ADAMTSL1: variants seen among roughly 807,000 people sequenced by gnomAD.
The protein encoded by ADAMTSL1 is ADAMTS like 1.
ADAMTSL1 carries 126 observed loss-of-function variants against 201.8 expected under a neutral mutation model. That is an observed-to-expected ratio of 0.62 (90% confidence interval 0.54 to 0.72). The LOEUF (loss-of-function observed/expected upper bound fraction) is 0.72. Ranked by LOEUF, ADAMTSL1 falls within the 30% of genes least tolerant of loss-of-function variation. The probability of loss-of-function intolerance (pLI) is 0.00; values close to 1 mark genes in which losing one functional copy is unlikely to be tolerated. For missense variants in ADAMTSL1, 2,679 were observed against 2,277.8 expected, an observed-to-expected ratio of 1.18 and a Z score of -3.59; for synonymous variants, 1,121 against 903.4, an observed-to-expected ratio of 1.24 and a Z score of -4.32.
rs1182140398 is a variant in ADAMTSL1 at position 18,661,917 on chromosome 9, G to A, written c.947-18G>A. 1.9e-6 allele frequency: 3 copies of A among 1,606,996 alleles called. No homozygotes were observed. The highest frequency in any genetic ancestry group is 1.3e-5 in the African/African-American group (1 of 74,538). On this transcript the variant is annotated intron_variant, in intron 8 of 28. Transcript: ENST00000380548. ...TGGCATGTACATTTAAACTTGCCTGGATGGTTTGATACTACAGGTTATCAG... is the reference window on the plus strand; with the variant it reads ...TGGCATGTACATTTAAACTTGCCTGAATGGTTTGATACTACAGGTTATCAG...
At chr9:18,482,998 T>C (rs930230129) in intron 1 of ADAMTSL1, among the ~76,000 whole-genome samples, 6 of 152,222 alleles carry the variant, frequency 3.9e-5, no homozygotes, top group African/African-American at 1.4e-4. Flanking sequence ...AAATTACTGT[T>C]ATGAGGTTAA....
At chr9:18,593,628 A>G (rs1375443811) in intron 4 of ADAMTSL1, among the ~76,000 whole-genome samples, 5 of 152,024 alleles carry the variant, frequency 3.3e-5, no homozygotes, top group African/African-American at 9.7e-5. Flanking sequence ...TTGTTTCAAG[A>G]GGTTTTTCAA....
intron 16 of ADAMTSL1, among the ~76,000 whole-genome samples, chr9:18,762,708 T>G (rs893423843): frequency 9.2e-5 from 14 of 151,758 alleles, no homozygotes; most frequent in Admixed American, 3.3e-4. Flanking sequence ...ATGAGTTCAA[T>G]TGTTTTGATT....
intron 4 of ADAMTSL1, among the ~76,000 whole-genome samples, chr9:18,586,906 G>C (rs6475234): frequency 6.6e-6 from 1 of 151,784 alleles, no homozygotes; most frequent in Non-Finnish European, 1.5e-5. Context: ...CAGAAGACTG[G>C]AACTGGACCC....
chr9:18,191,908 A>C (rs1828987292), intron 2 of ADAMTSL1, among the ~76,000 whole-genome samples: 1 of 152,148 alleles, frequency 6.6e-6, no homozygotes, highest in Non-Finnish European at 1.5e-5. Flanking sequence ...GGATTCTTAG[A>C]ATCTTGCAAT....
chr9:18,030,515 A>G (rs1481425037), intron 1 of ADAMTSL1, among the ~76,000 whole-genome samples: 1 of 152,178 alleles, frequency 6.6e-6, no homozygotes, highest in Non-Finnish European at 1.5e-5. Context: ...ACTAACCTGC[A>G]CATTGTGCAC....
chr9:17,991,774 C>G (rs1162322860), intron 1 of ADAMTSL1, among the ~76,000 whole-genome samples: 2 of 152,152 alleles, frequency 1.3e-5, no homozygotes, highest in Non-Finnish European at 2.9e-5. Context: ...ACACGTGCAT[C>G]CTTAACTTTC....
intron 1 of ADAMTSL1, among the ~76,000 whole-genome samples, chr9:18,504,384 G>C (rs1004766612): frequency 6.6e-6 from 1 of 152,148 alleles, no homozygotes; most frequent in Non-Finnish European, 1.5e-5. Flanking sequence ...AAAAATTGTC[G>C]ATGGTATAAA....
Position 18,753,340 on chromosome 9 carries a change from G to T in ADAMTSL1, c.2049G>T (p.Gly683=). Residue 683 remains glycine (G), a synonymous_variant, in exon 16 of 29, where the codon GGG becomes GGT. Coordinates refer to ENST00000380548, the MANE Select transcript of ADAMTSL1 (RefSeq NM_001040272.6). ...GGAGTCCATGTAGTCTCACATGTGG[G>T]GTCGGCCTACAGACCAGAGACGTCT... The part of the protein sequence containing the change: ...GKWSPCSLTC[G]VGLQTRDVFC... 6.2e-7 allele frequency: 1 copy of T among 1,612,400 alleles called. No individual in the cohort carries two copies. The highest frequency in any genetic ancestry group is 8.5e-7 in the Non-Finnish European group (1 of 1,179,380).
chr9:18,218,915 A>G (rs1046532575), intron 2 of ADAMTSL1, among the ~76,000 whole-genome samples: 17 of 152,100 alleles, frequency 1.1e-4, no homozygotes, highest in Non-Finnish European at 2.4e-4. Flanking sequence ...GTTTATCTGG[A>G]ATTTATTTAA....
chr9:18,222,789 CTTTAT>C (rs1405081908), intron 2 of ADAMTSL1, among the ~76,000 whole-genome samples: 1 of 151,620 alleles, frequency 6.6e-6, no homozygotes, highest in Non-Finnish European at 1.5e-5. Context: ...GCAAAAACAT[CTTTAT>C]TTTATCCTAA....
rs373748149 is a variant in ADAMTSL1, at chr9:18,828,661, TATATATATATATATA to T, written c.4115-1181_4115-1167del. Among the ~76,000 whole-genome samples, 7 of 60,408 alleles carry T rather than the reference TATATATATATATATA, an allele frequency of 1.2e-4. 2 individuals carry two copies. The South Asian group carries it at 2.3e-3, about 20-fold the overall frequency. 39.6% of individuals were successfully genotyped at this position (60,408 alleles called of 152,430 possible). On this transcript the variant is annotated intron_variant, in intron 22 of 28. Coordinates refer to ENST00000380548, the MANE Select transcript of ADAMTSL1 (RefSeq NM_001040272.6). ...AAAAGGATTCTTTTGAAAGTATATT[TATATATATATATATA>T]TATATATATATATATATAAAATGTG...
At chr9:18,170,087 G>C (rs1167661459) in intron 2 of ADAMTSL1, among the ~76,000 whole-genome samples, 1 of 151,944 alleles carries the variant, frequency 6.6e-6, no homozygotes, top group Non-Finnish European at 1.5e-5. Flanking sequence ...CTGTTACCCT[G>C]TGGGGTTTTT....
chr9:18,599,820 A>G (rs1276223319), intron 4 of ADAMTSL1, among the ~76,000 whole-genome samples: 1 of 150,962 alleles, frequency 6.6e-6, no homozygotes, highest in Non-Finnish European at 1.5e-5. Flanking sequence ...TAATATTTCC[A>G]GTAAAAATCT....
intron 25 of ADAMTSL1, among the ~76,000 whole-genome samples, chr9:18,891,416 C>T (rs889455135): frequency 6.6e-6 from 1 of 152,146 alleles, no homozygotes; most frequent in Non-Finnish European, 1.5e-5. Flanking sequence ...GCAACAGTCT[C>T]GCGATTTCCC....
At chr9:18,546,312 A>T (rs1564034173) in intron 3 of ADAMTSL1, among the ~76,000 whole-genome samples, 1 of 151,968 alleles carries the variant, frequency 6.6e-6, no homozygotes, top group African/African-American at 2.4e-5. Flanking sequence ...TATTATTTTC[A>T]TTATTATTGG....
At chr9:18,179,478 C>T (rs1272269084) in intron 2 of ADAMTSL1, among the ~76,000 whole-genome samples, 1 of 152,088 alleles carries the variant, frequency 6.6e-6, no homozygotes, top group East Asian at 1.9e-4. Flanking sequence ...GAGAACTTCC[C>T]CAATCTAGCA....
intron 24 of ADAMTSL1, 93 bp from the exon 25 acceptor site, chr9:18,889,475 C>T: frequency 7.2e-7 from 1 of 1,379,454 alleles, no homozygotes; most frequent in East Asian, 2.5e-5. Context: ...CAAATCCACC[C>T]CTGTCACCTT....
intron 2 of ADAMTSL1, among the ~76,000 whole-genome samples, chr9:18,313,930 T>G (rs900175984): frequency 6.6e-6 from 1 of 152,138 alleles, no homozygotes; most frequent in African/African-American, 2.4e-5. Flanking sequence ...AAACCATATA[T>G]CTGATAAGGG....
Sources: gnomAD v4.1 joint callset for allele counts (sites outside exome capture counted in the v4.1 genomes callset) on GRCh38, gnomAD v4.1.1 for gene constraint, MANE v1.5 for transcripts, NCBI Gene and HGNC (gene_info 2026-07-23, HGNC 2026-07-21) for gene names.